Variants in HIVEP3 observed in about 807,000 individuals in gnomAD.
HIVEP3 encodes the protein transcription factor HIVEP3.
A neutral mutation model predicts 152.8 loss-of-function variants in HIVEP3; 49 were observed. The ratio of observed to expected loss-of-function variants is 0.32; its 90% CI spans 0.26 to 0.41. The LOEUF (loss-of-function observed/expected upper bound fraction) is 0.41, where lower values mean the gene tolerates loss of function less well. Ranked by LOEUF, HIVEP3 falls within the 10% of genes least tolerant of loss-of-function variation. HIVEP3 has a pLI of 1.00. For missense variants in HIVEP3, 2,790 were observed against 3,103.3 expected (o/e 0.90, Z 2.40); for synonymous variants, 1,269 against 1,289.0 (o/e 0.98, Z 0.33).
chr1:41,621,918 C>T (rs1278591900), intron 3 of HIVEP3, among the ~76,000 whole-genome samples: 9 of 152,224 alleles, frequency 5.9e-5, no homozygotes, highest in African/African-American at 2.2e-4. Flanking sequence ...AACTCAAATG[C>T]CTTCACCTTC....
chr1:42,011,165 A>G lies in HIVEP3; in HGVS notation n.119+24642T>C, dbSNP rs527454410. Among the ~76,000 whole-genome samples, 94 of 152,236 alleles carry G rather than the reference A, an allele frequency of 6.2e-4. 2 individuals are homozygous for G. In the South Asian group the frequency reaches 0.016, roughly 26 times the overall value. On this transcript the variant is annotated intron_variant and non_coding_transcript_variant, in intron 1 of 3. Transcript: ENST00000489103. ...TCAGAAGATTCCAAGAAGGCAGGGG[A>G]GGCAAACGAATGTACTTAGTCTGTC...
intron 1 of HIVEP3, among the ~76,000 whole-genome samples, chr1:41,961,132 C>T (rs115127003): frequency 0.01 from 1,563 of 152,302 alleles, 25 homozygotes; most frequent in African/African-American, 0.036. Flanking sequence ...TTGTAAGTGG[C>T]CTGATAGTCC....
chr1:41,749,939 A>G (rs1271415520), intron 1 of HIVEP3, among the ~76,000 whole-genome samples: 1 of 152,204 alleles, frequency 6.6e-6, no homozygotes, highest in Admixed American at 6.5e-5. Flanking sequence ...TCTGTAGCCT[A>G]AAGCCAAAAT....
intron 1 of HIVEP3, among the ~76,000 whole-genome samples, chr1:41,705,142 T>C (rs1298847001): frequency 6.6e-6 from 1 of 152,206 alleles, no homozygotes; most frequent in Non-Finnish European, 1.5e-5. Flanking sequence ...ACAAAATGGG[T>C]AATTCAAAGA....
intron 1 of HIVEP3, among the ~76,000 whole-genome samples, chr1:41,796,135 T>G (rs1050161606): frequency 4.6e-5 from 7 of 152,258 alleles, no homozygotes; most frequent in African/African-American, 1.7e-4. Flanking sequence ...AAATACATGA[T>G]ATTTTTGACT....
intron 1 of HIVEP3, among the ~76,000 whole-genome samples, chr1:41,767,360 C>A (rs1274981243): frequency 6.6e-6 from 1 of 152,184 alleles, no homozygotes; most frequent in Non-Finnish European, 1.5e-5. Context: ...GGTTTCATGG[C>A]GGGAGTGAAT....
chr1:41,662,621 G>T lies in HIVEP3; in HGVS notation c.-720-33674C>A, dbSNP rs950068581. On this transcript the variant is annotated intron_variant, in intron 2 of 8. Transcript: ENST00000372583. The surrounding 1 kb of genome is among the most constrained non-coding windows in gnomAD (Gnocchi z 7.2). ...CCAGGGGAGGGTCTCCTCGCCCGGG[G>T]AATCCCTGGCTGCCGGCGGCCGCGG... is the stretch of plus-strand genomic sequence containing the variant. Among the ~76,000 whole-genome samples, 1 of 151,346 alleles carries T rather than the reference G, an allele frequency of 6.6e-6. No individual in the cohort carries two copies. Among genetic ancestry groups the T allele is most frequent in the African/African-American group, 2.4e-5 (1 of 41,310 alleles).
In HIVEP3 at chr1:41,682,309, G is replaced by A. The variant is rs372654881; in HGVS notation, c.-721+18607C>T. On this transcript the variant is annotated intron_variant, in intron 2 of 8. Coordinates refer to ENST00000372583, the MANE Select transcript of HIVEP3 (RefSeq NM_024503.5). ...CAGGGCTGGCCTCCTCCTGGCTTCC[G>A]TGGCACTCTGTGCTTATGGCATTGC... Among the ~76,000 whole-genome samples, 28 of 152,216 alleles carry A rather than the reference G, an allele frequency of 1.8e-4. No homozygotes were observed. The East Asian group carries it at 1.9e-3, about 10-fold the overall frequency.
At chr1:41,698,651 T>C (rs1030826132) in intron 2 of HIVEP3, among the ~76,000 whole-genome samples, 8 of 152,148 alleles carry the variant, frequency 5.3e-5, no homozygotes, top group Admixed American at 2.6e-4. Flanking sequence ...CAACACATCC[T>C]GGTGTTTCCC....
chr1:41,684,898 A>T (rs1201262101), intron 2 of HIVEP3, among the ~76,000 whole-genome samples: 1 of 152,226 alleles, frequency 6.6e-6, no homozygotes, highest in East Asian at 1.9e-4. Context: ...CCAGACGTGA[A>T]CCTGGTTCTG....
At chr1:41,721,910 G>A (rs1199469604) in intron 1 of HIVEP3, among the ~76,000 whole-genome samples, 1 of 152,206 alleles carries the variant, frequency 6.6e-6, no homozygotes, top group East Asian at 1.9e-4. Flanking sequence ...AGGCTAGTGA[G>A]CGTGATCCAC....
intron 1 of HIVEP3, among the ~76,000 whole-genome samples, chr1:41,895,029 T>A (rs1387397943): frequency 6.7e-6 from 1 of 148,484 alleles, no homozygotes. Context: ...CTCACAAGTT[T>A]TAGTATGGTC....
rs1334215948 is a variant in HIVEP3 at position 41,574,882 on chromosome 1, A to G, written c.5207+662T>C. The stretch of plus-strand genomic sequence containing the variant: ...ACAAAACTTCCACAAAGCACGTCTG[A>G]AACACGGCACCCTTCCAGAGCCCAG... On this transcript the variant is annotated intron_variant, in intron 5 of 8. Coordinates refer to ENST00000372583, the MANE Select transcript of HIVEP3 (RefSeq NM_024503.5). Among the ~76,000 whole-genome samples, 3 of 152,230 alleles carry G rather than the reference A, an allele frequency of 2.0e-5. No individual in the cohort carries two copies. The East Asian group carries it at 5.8e-4, about 29-fold the overall frequency.
chr1:41,527,495 TCA>T (rs1169605754), intron 5 of HIVEP3, among the ~76,000 whole-genome samples: 3 of 64,914 alleles, frequency 4.6e-5, no homozygotes, highest in Admixed American at 3.2e-4. Context: ...CACACCACCC[TCA>T]CACACACTCA....
At chr1:41,670,156 G>A (rs1276501388) in intron 2 of HIVEP3, among the ~76,000 whole-genome samples, 4 of 152,158 alleles carry the variant, frequency 2.6e-5, no homozygotes, top group East Asian at 1.9e-4. Flanking sequence ...CTGAACGAAT[G>A]CATACCTCAC....
Position 41,512,877 on chromosome 1 carries a change from G to A in HIVEP3, c.6344C>T (p.Pro2115Leu), listed in dbSNP as rs760177444. Residue 2115 changes from proline to leucine, a missense_variant, in exon 8 of 9, where the codon CCG becomes CTG. Coordinates refer to ENST00000372583, the MANE Select transcript of HIVEP3 (RefSeq NM_024503.5). ...GLGLDPRVLFPPAPLPHKLLS... is the reference protein window; with the variant it reads ...GLGLDPRVLFLPAPLPHKLLS... ...GAGCTTGTGAGGTAGAGGCGCGGGC[G>A]GGAAGAGAACCCGTGGGTCCAGCCC... is the stretch of plus-strand genomic sequence containing the variant. The A allele has an allele frequency of 1.0e-5, 16 of 1,559,084 alleles. No individual in the cohort carries two copies. The highest frequency in any genetic ancestry group is 4.8e-5 in the East Asian group (2 of 41,742).
At chr1:41,761,771 C>T (rs1647699246) in intron 1 of HIVEP3, among the ~76,000 whole-genome samples, 1 of 152,200 alleles carries the variant, frequency 6.6e-6, no homozygotes. Flanking sequence ...TGTGTAGGCA[C>T]ATGTATGTGC....
intron 1 of HIVEP3, among the ~76,000 whole-genome samples, chr1:41,837,556 C>A (rs1356804764): frequency 1.3e-5 from 2 of 152,138 alleles, no homozygotes; most frequent in African/African-American, 2.4e-5. Context: ...CAACTCCCGA[C>A]CTCAGGTGAT....
At position 41,895,082 on chromosome 1, in the gene HIVEP3, C is replaced by T. The variant is rs115781099; in HGVS notation, c.-801+23331G>A. ...TAAGGAAGTCATAAGATAAGCCCCA[C>T]GCTGGAAAACTTGATCCTTTTATGA... On this transcript the variant is annotated intron_variant, in intron 1 of 8. Transcript: ENST00000372583. 2.5e-3 allele frequency among the ~76,000 whole-genome samples: 385 copies of T among 152,002 alleles called. 2 individuals are homozygous for T. The highest frequency in any genetic ancestry group is 8.9e-3 in the African/African-American group (367 of 41,456).
Sources: gnomAD v4.1 joint callset for allele counts (sites outside exome capture counted in the v4.1 genomes callset) on GRCh38, gnomAD v4.1.1 for gene constraint, Gnocchi (gnomAD v3.1) non-coding constraint, MANE v1.5 for transcripts, NCBI Gene and HGNC (gene_info 2026-07-23, HGNC 2026-07-21) for gene names.